The following KIF1B variants were observed in gnomAD, a reference collection of about 807,000 sequenced individuals.
KIF1B encodes the protein kinesin-like protein KIF1B.
In KIF1B, 76 loss-of-function variants were observed where a neutral mutation model predicts 241.9. The observed-to-expected ratio is 0.31, with a 90% confidence interval of 0.26 to 0.38. The LOEUF (loss-of-function observed/expected upper bound fraction) is 0.38, where lower values mean the gene tolerates loss of function less well. KIF1B is among the 10% of genes least tolerant of loss of function. KIF1B has a pLI of 1.00. For synonymous variants in KIF1B, 750 were observed against 796.7 expected, an observed-to-expected ratio of 0.94 and a Z score of 0.99; for missense variants, 1,622 against 2,271.4, an observed-to-expected ratio of 0.71 and a Z score of 5.81.
intron 48 of KIF1B, among the ~76,000 whole-genome samples, chr1:10,376,051 C>T (rs1448440051): frequency 6.6e-6 from 1 of 151,910 alleles, no homozygotes; most frequent in African/African-American, 2.4e-5. Context: ...GATCCACCCT[C>T]CTCGGCCTCC....
At position 10,277,977 on chromosome 1, in the gene KIF1B, T is replaced by G. The variant is rs1454351796; in HGVS notation, c.1038-9T>G. 3 of 1,613,256 alleles carry G rather than the reference T, an allele frequency of 1.9e-6. No homozygotes were observed. The highest frequency in any genetic ancestry group is 1.7e-5 in the Admixed American group (1 of 59,984). Reference sequence around the variant, plus strand: ...AAATGACAAGAACAAATTTTCTTTTTGGATCTAGATATGCAGATCGTGCAA... The same window carrying G: ...AAATGACAAGAACAAATTTTCTTTTGGGATCTAGATATGCAGATCGTGCAA... On this transcript the variant is annotated splice_polypyrimidine_tract_variant and intron_variant, in intron 12 of 48. Coordinates refer to ENST00000676179, the MANE Select transcript of KIF1B (RefSeq NM_001365951.3).
At chr1:10,370,075 G>T (rs1638685550) in intron 44 of KIF1B, among the ~76,000 whole-genome samples, 2 of 152,036 alleles carry the variant, frequency 1.3e-5, no homozygotes. Context: ...CCAACATGGA[G>T]AAACCCTGTC....
intron 1 of KIF1B, among the ~76,000 whole-genome samples, chr1:10,212,890 G>GTATATATATA (rs201066671): frequency 2.6e-4 from 28 of 109,480 alleles, no homozygotes; most frequent in East Asian, 5.8e-4. Context: ...ATGCGTGTGT[G>GTATATATATA]TATATATATA....
intron 48 of KIF1B, among the ~76,000 whole-genome samples, chr1:10,375,786 GTTTTT>G (rs201620952): frequency 5.7e-5 from 4 of 69,590 alleles, no homozygotes; most frequent in Admixed American, 2.0e-4. Context: ...TTCTTTTCTT[GTTTTT>G]TTTTTTTTTT....
chr1:10,336,889 A>G, intron 29 of KIF1B, 147 bp downstream of exon 29: 2 of 1,087,712 alleles, frequency 1.8e-6, no homozygotes, highest in Non-Finnish European at 2.8e-6. Flanking sequence ...TCTAACAATT[A>G]TGAAGGTAAA....
At chr1:10,281,060 T>A (rs1451018668) in intron 14 of KIF1B, among the ~76,000 whole-genome samples, 1 of 152,146 alleles carries the variant, frequency 6.6e-6, no homozygotes, top group African/African-American at 2.4e-5. Flanking sequence ...ATGTTCTGTA[T>A]TTGCAGATGG....
At chr1:10,304,611 A>C in intron 22 of KIF1B, 1 of 1,614,054 alleles carries the variant, frequency 6.2e-7, no homozygotes, top group Non-Finnish European at 8.5e-7. Flanking sequence ...AGTTCTCAGC[A>C]CCCAATCTCA....
intron 34 of KIF1B, 100 bp from the exon 35 acceptor site, chr1:10,345,745 C>G (rs1652564571): frequency 1.2e-6 from 1 of 853,204 alleles, no homozygotes; most frequent in African/African-American, 1.7e-5. Flanking sequence ...CTCTTGCTGC[C>G]TTTCCCAAGT....
At chr1:10,335,781 C>G (rs1450124009) in intron 28 of KIF1B, among the ~76,000 whole-genome samples, 1 of 151,620 alleles carries the variant, frequency 6.6e-6, no homozygotes, top group Non-Finnish European at 1.5e-5. Context: ...ATTGCTTGAG[C>G]CCAGGAGTTT....
At chr1:10,220,397 T>TAGATAGATGATAGATAGATA in intron 1 of KIF1B, among the ~76,000 whole-genome samples, 1 of 144,172 alleles carries the variant, frequency 6.9e-6, no homozygotes, top group Non-Finnish European at 1.5e-5. Context: ...GATAGATAGA[T>TAGATAGATGATAGATAGATA]GATAGATAGA....
At position 10,334,665 on chromosome 1, in the gene KIF1B, G is replaced by C. The variant is rs757432440; in HGVS notation, c.3043+27G>C. ...TAGGTGACCCTCTTCTGAAATGAGA[G>C]CTGTGAGTTCTTTGTCTAGAGACAA... On this transcript the variant is annotated intron_variant, in intron 28 of 48. Transcript: ENST00000676179. 3 of 1,544,902 alleles carry C rather than the reference G, an allele frequency of 1.9e-6. No individual in the cohort carries two copies. In the African/African-American group the frequency reaches 4.1e-5, roughly 21 times the overall value.
At chr1:10,373,116 C>T (rs1638792088) in intron 45 of KIF1B, among the ~76,000 whole-genome samples, 1 of 146,468 alleles carries the variant, frequency 6.8e-6, no homozygotes, top group African/African-American at 2.5e-5. Flanking sequence ...CACCCGGCCA[C>T]ACCCAGCTAA....
intron 14 of KIF1B, among the ~76,000 whole-genome samples, chr1:10,280,835 C>G (rs1649373586): frequency 6.6e-6 from 1 of 152,176 alleles, no homozygotes; most frequent in Non-Finnish European, 1.5e-5. Flanking sequence ...CCTGAAAGAC[C>G]ATGCATGACT....
chr1:10,313,609 G>C (rs1418189955), intron 22 of KIF1B, among the ~76,000 whole-genome samples: 1 of 145,526 alleles, frequency 6.9e-6, no homozygotes, highest in East Asian at 2.0e-4. Flanking sequence ...GGAGTGCAGT[G>C]GCGCAATCTC....
intron 5 of KIF1B, among the ~76,000 whole-genome samples, chr1:10,266,892 G>A (rs1648492573): frequency 6.6e-6 from 1 of 152,058 alleles, no homozygotes; most frequent in African/African-American, 2.4e-5. Flanking sequence ...TAGAATAAAA[G>A]GGCCTAGAGT....
rs772916176 is a variant in KIF1B, at chr1:10,337,980, C to G, written c.3422+447C>G. Among the ~76,000 whole-genome samples the G allele has an allele frequency of 6.6e-6, 1 of 152,144 alleles. No individual in the cohort carries two copies. Among genetic ancestry groups the G allele is most frequent in the Non-Finnish European group, 1.5e-5 (1 of 68,034 alleles). On this transcript the variant is annotated intron_variant, in intron 31 of 48. Transcript: ENST00000676179. This position sits in a 1 kb window ranked among gnomAD's most constrained non-coding sequence, Gnocchi z 4.0. ...TAAATTCTACATCAACTGAAAAAAGCTAGTATGTAGGGAAGATGTGATACC... is the reference window on the plus strand; with the variant it reads ...TAAATTCTACATCAACTGAAAAAAGGTAGTATGTAGGGAAGATGTGATACC...
At chr1:10,244,305 T>C (rs1051074537) in intron 2 of KIF1B, among the ~76,000 whole-genome samples, 77 of 150,332 alleles carry the variant, frequency 5.1e-4, no homozygotes, top group African/African-American at 1.6e-3. Context: ...ATTTTTCTTT[T>C]TTTTCTTTTC....
At chr1:10,251,189 G>C (rs1372419395) in intron 2 of KIF1B, among the ~76,000 whole-genome samples, 1 of 151,870 alleles carries the variant, frequency 6.6e-6, no homozygotes, top group African/African-American at 2.4e-5. Context: ...TAAAATAAAA[G>C]CAGCTTGGTT....
rs1638966246 is a variant in KIF1B at position 10,379,366 on chromosome 1, G to A, written c.*2779G>A. 4.3e-6 allele frequency: 1 copy of A among 231,424 alleles called. No homozygotes were observed. The highest frequency in any genetic ancestry group is 1.8e-4 in the South Asian group (1 of 5,530). 14.3% of individuals were successfully genotyped at this position (231,424 alleles called of 1,614,324 possible). ...AAGGCCTCTTAGGGAGCCAGAGGGA[G>A]CAGAGTGGTCGTGTCCTGCGTGCTC... is the stretch of plus-strand genomic sequence containing the variant. On this transcript the variant is annotated 3_prime_UTR_variant, in exon 49 of 49. Transcript: ENST00000676179.
Sources: allele counts gnomAD v4.1 joint callset (sites outside exome capture counted in the v4.1 genomes callset), GRCh38; gene constraint gnomAD v4.1.1; non-coding constraint Gnocchi (gnomAD v3.1); transcripts MANE v1.5; gene names NCBI Gene and HGNC (gene_info 2026-07-23, HGNC 2026-07-21).